Variants in CHD1L observed in about 807,000 individuals in gnomAD.
CHD1L encodes the protein ATP-dependent chromatin remodeler CHD1L.
Under a neutral mutation model 115.9 loss-of-function variants are expected in CHD1L, and 118 were observed. The observed-to-expected ratio is 1.02, with a 90% CI of 0.88 to 1.19. CHD1L has a LOEUF of 1.19. CHD1L is among the 50% of genes most tolerant of loss of function. CHD1L has a pLI of 0.00. For missense variants in CHD1L, 1,179 were observed against 1,065.3 expected (o/e 1.11, Z -1.49); for synonymous variants, 411 against 387.1 (o/e 1.06, Z -0.72).
chr1:147,232,599 C>A, the CHD1L span, among the ~76,000 whole-genome samples: 2 of 152,022 alleles, frequency 1.3e-5, no homozygotes, highest in Non-Finnish European at 2.9e-5. Context: ...AACCTCCCTG[C>A]CTGATTCTCC....
intron 22 of CHD1L, 144 bp downstream of exon 22, chr1:147,294,661 A>C: frequency 3.6e-6 from 2 of 558,454 alleles, no homozygotes; most frequent in Non-Finnish European, 6.2e-6. Flanking sequence ...ACAAAGAAAG[A>C]AGCACTTTCT....
At chr1:147,256,603 T>G (rs1056799834) in intron 5 of CHD1L, 41 bp downstream of exon 5, 2 of 1,568,350 alleles carry the variant, frequency 1.3e-6, no homozygotes, top group African/African-American at 2.7e-5. Context: ...GTTGAATGTA[T>G]TATGAATGTC....
At chr1:147,204,533 T>C in the CHD1L span, 3 of 1,574,930 alleles carry the variant, frequency 1.9e-6, no homozygotes, top group East Asian at 2.2e-5. Flanking sequence ...CTGCAAGCTA[T>C]TTCATAACCT....
chr1:147,208,114 G>C, the CHD1L span, among the ~76,000 whole-genome samples: 1 of 152,122 alleles, frequency 6.6e-6, no homozygotes, highest in East Asian at 1.9e-4. Context: ...ATTTAGCACT[G>C]TGCTTATCTT....
chr1:147,198,865 A>AG, the CHD1L span, among the ~76,000 whole-genome samples: 4,634 of 148,616 alleles, frequency 0.031, 73 homozygotes, highest in African/African-American at 0.04. Flanking sequence ...AAAAAAAAAA[A>AG]AAAAAAAAAA....
chr1:147,281,429 C>T (rs2102844209), intron 15 of CHD1L, among the ~76,000 whole-genome samples: 1 of 152,222 alleles, frequency 6.6e-6, no homozygotes, highest in South Asian at 2.1e-4. Context: ...TATTTTCTGA[C>T]TCCTAATGTA....
chr1:147,283,391 CAT>C (rs587757902), intron 15 of CHD1L, among the ~76,000 whole-genome samples: 87 of 152,282 alleles, frequency 5.7e-4, no homozygotes, highest in African/African-American at 1.9e-3. Flanking sequence ...TATTTGGTAA[CAT>C]GTGCTACTAA....
At chr1:147,246,091 C>G (rs1220321872) in intron 1 of CHD1L, among the ~76,000 whole-genome samples, 3 of 152,226 alleles carry the variant, frequency 2.0e-5, no homozygotes, top group Non-Finnish European at 2.9e-5. Context: ...AACCACTAAT[C>G]TGTTCTCCAT....
chr1:147,285,162 C>A (rs117698366), intron 16 of CHD1L, among the ~76,000 whole-genome samples, 162 bp from the exon 17 acceptor site: 1 of 152,306 alleles, frequency 6.6e-6, no homozygotes, highest in East Asian at 1.9e-4. Context: ...ATGAACAGTG[C>A]CTCCAAGTGC....
At chr1:147,249,466 C>T (rs1378771173) in intron 1 of CHD1L, among the ~76,000 whole-genome samples, 1 of 126,612 alleles carries the variant, frequency 7.9e-6, no homozygotes, top group Non-Finnish European at 1.6e-5. Context: ...AGCGCAGTGG[C>T]GCTATCTCAG....
chr1:147,187,111 A>C, the CHD1L span: 4 of 1,614,096 alleles, frequency 2.5e-6, no homozygotes, highest in South Asian at 2.2e-5. Flanking sequence ...GGGTCCCAGT[A>C]ATAAGTGTAA....
the CHD1L span, chr1:147,203,697 C>T: frequency 9.3e-6 from 14 of 1,500,060 alleles, no homozygotes; most frequent in Admixed American, 3.4e-5. Flanking sequence ...TCTGTTGCTC[C>T]ACCTCTGGGT....
the CHD1L span, chr1:147,224,000 A>T: frequency 2.4e-6 from 1 of 421,376 alleles, no homozygotes; most frequent in Admixed American, 2.6e-5. Flanking sequence ...GGTGGAGAAC[A>T]AGAAGACTCA....
At chr1:147,204,211 C>A in the CHD1L span, 11 of 1,385,256 alleles carry the variant, frequency 7.9e-6, no homozygotes, top group Admixed American at 1.7e-5. Flanking sequence ...GACAAGAGTA[C>A]ACTGCTATTT....
the CHD1L span, among the ~76,000 whole-genome samples, chr1:147,197,690 G>T: frequency 6.6e-6 from 1 of 152,118 alleles, no homozygotes; most frequent in Non-Finnish European, 1.5e-5. Flanking sequence ...GGCCTCCCCA[G>T]CCATGCAGAA....
the CHD1L span, among the ~76,000 whole-genome samples, chr1:147,229,492 G>T: frequency 6.6e-6 from 1 of 152,156 alleles, no homozygotes; most frequent in Non-Finnish European, 1.5e-5. Flanking sequence ...GGCGATGCGG[G>T]CTCTTTTTTG....
the CHD1L span, among the ~76,000 whole-genome samples, chr1:147,227,127 C>G: frequency 6.6e-6 from 1 of 152,130 alleles, no homozygotes; most frequent in South Asian, 2.1e-4. Flanking sequence ...ACAAGGCCAG[C>G]CTGTAAAATA....
At chr1:147,264,664 A>C in intron 7 of CHD1L, 80 bp downstream of exon 7, 1 of 1,461,436 alleles carries the variant, frequency 6.8e-7, no homozygotes, top group Non-Finnish European at 9.3e-7. Flanking sequence ...ATAGGTAGAA[A>C]AGAAGGAGAA....
Position 147,276,146 on chromosome 1 carries a change from A to C in CHD1L, c.1428A>C (p.Glu476Asp). The change falls in exon 14 of 23, where the codon GAA (glutamate) becomes GAC (aspartate). Residue 476 changes from glutamate (E) to aspartate (D), a missense_variant. Physicochemically the swap from Glu to Asp is conservative, Grantham distance 45. Coordinates refer to ENST00000369258, the MANE Select transcript of CHD1L (RefSeq NM_004284.6). The stretch of plus-strand genomic sequence containing the variant: ...GGCTGATTGGTCGAGACACTGTGGA[A>C]GAAATAGTCTATAGGAAAGCAGCCT... ...VIRLIGRDTV[E>D]EIVYRKAASK... 1 of 1,614,188 alleles carries C rather than the reference A, an allele frequency of 6.2e-7. No homozygotes were observed. Among genetic ancestry groups the C allele is most frequent in the Non-Finnish European group, 8.5e-7 (1 of 1,180,024 alleles).
Sources: allele counts gnomAD v4.1 joint callset (sites outside exome capture counted in the v4.1 genomes callset), GRCh38; gene constraint gnomAD v4.1.1; transcripts MANE v1.5; gene names NCBI Gene and HGNC (gene_info 2026-07-23, HGNC 2026-07-21).